ITCH: variants seen among roughly 807,000 people sequenced by gnomAD.
ITCH encodes itchy E3 ubiquitin protein ligase.
A neutral mutation model predicts 126.8 loss-of-function variants in ITCH; 28 were observed. The observed-to-expected ratio is 0.22, with a 90% confidence interval of 0.16 to 0.30. ITCH has a LOEUF of 0.30. Among genes scored for constraint, ITCH ranks in the 10% least tolerant of loss-of-function variants. The pLI is 1.00. For missense variants in ITCH, 631 were observed against 1,032.4 expected, an observed-to-expected ratio of 0.61 and a Z score of 5.33; for synonymous variants, 342 against 340.0, an observed-to-expected ratio of 1.01 and a Z score of -0.06.
At chr20:34,486,722 G>A (rs999179444) in intron 20 of ITCH, among the ~76,000 whole-genome samples, 1 of 151,444 alleles carries the variant, frequency 6.6e-6, no homozygotes, top group Non-Finnish European at 1.5e-5. Context: ...TTTTGAGACA[G>A]GGTCTCACTT....
chr20:34,426,528 C>T (rs530286758), intron 7 of ITCH, among the ~76,000 whole-genome samples: 2 of 152,066 alleles, frequency 1.3e-5, no homozygotes, highest in East Asian at 3.9e-4. Flanking sequence ...TCACTGCAAC[C>T]TCCATCTCCC....
intron 6 of ITCH, among the ~76,000 whole-genome samples, chr20:34,415,114 G>T (rs539295304): frequency 6.6e-6 from 1 of 152,190 alleles, no homozygotes; most frequent in Non-Finnish European, 1.5e-5. Context: ...CAATGAAAGA[G>T]CAGATTAATG....
chr20:34,453,803 G>A (rs1159048128), intron 12 of ITCH, among the ~76,000 whole-genome samples: 3 of 152,072 alleles, frequency 2.0e-5, no homozygotes, highest in East Asian at 3.9e-4. Flanking sequence ...TGATCAGCCT[G>A]GCCAACATGG....
intron 3 of ITCH, among the ~76,000 whole-genome samples, chr20:34,404,713 G>T (rs571123831): frequency 6.6e-6 from 1 of 151,974 alleles, no homozygotes; most frequent in African/African-American, 2.4e-5. Context: ...ACGTTCGGCC[G>T]CTTCTCTTTT....
intron 17 of ITCH, among the ~76,000 whole-genome samples, chr20:34,478,915 C>G (rs1988475859): frequency 6.6e-6 from 1 of 152,116 alleles, no homozygotes; most frequent in Non-Finnish European, 1.5e-5. Flanking sequence ...ATGAGATACA[C>G]TTATCACAAG....
At chr20:34,378,291 T>C (rs1395655621) in intron 2 of ITCH, among the ~76,000 whole-genome samples, 3 of 151,654 alleles carry the variant, frequency 2.0e-5, no homozygotes, top group Non-Finnish European at 2.9e-5. Flanking sequence ...GCCAACATGG[T>C]GAAACCCCAT....
intron 2 of ITCH, among the ~76,000 whole-genome samples, chr20:34,383,148 G>A (rs574381468): frequency 1.3e-5 from 2 of 151,956 alleles, no homozygotes; most frequent in Non-Finnish European, 2.9e-5. Flanking sequence ...CTCTGGCGAT[G>A]CTCCTGTGTC....
At chr20:34,449,233 G>C (rs1984862559) in intron 11 of ITCH, among the ~76,000 whole-genome samples, 178 bp from the exon 12 acceptor site, 1 of 151,694 alleles carries the variant, frequency 6.6e-6, no homozygotes, top group Non-Finnish European at 1.5e-5. Flanking sequence ...GTTTGCACCG[G>C]TTTTTTTTAA....
intron 3 of ITCH, among the ~76,000 whole-genome samples, chr20:34,398,705 T>C (rs2038764106): frequency 6.6e-6 from 1 of 152,108 alleles, no homozygotes; most frequent in Non-Finnish European, 1.5e-5. Context: ...GCCTTAAATA[T>C]TCTCTTTTTT....
At chr20:34,414,145 A>G (rs1438596008) in intron 6 of ITCH, among the ~76,000 whole-genome samples, 1 of 138,030 alleles carries the variant, frequency 7.2e-6, no homozygotes, top group African/African-American at 2.6e-5. Flanking sequence ...TTGTTTCTTT[A>G]AAAAAAAAAA....
At chr20:34,377,427 G>C (rs190302885) in intron 2 of ITCH, among the ~76,000 whole-genome samples, 13 of 151,824 alleles carry the variant, frequency 8.6e-5, no homozygotes, top group Non-Finnish European at 1.5e-4. Flanking sequence ...TCTTGTTTGG[G>C]GTTTTTGGTT....
chr20:34,381,566 A>G (rs1190853429), intron 2 of ITCH, among the ~76,000 whole-genome samples: 2 of 152,030 alleles, frequency 1.3e-5, no homozygotes, highest in Non-Finnish European at 2.9e-5. Context: ...AGCTGGGACT[A>G]CAGGCGCACG....
At chr20:34,445,660 C>A (rs1984366285) in intron 11 of ITCH, among the ~76,000 whole-genome samples, 199 bp downstream of exon 11, 1 of 151,980 alleles carries the variant, frequency 6.6e-6, no homozygotes, top group Non-Finnish European at 1.5e-5. Flanking sequence ...TTGCTTAAGT[C>A]CAACTTCCTC....
chr20:34,365,469 C>T (rs2037386253), intron 1 of ITCH, among the ~76,000 whole-genome samples: 1 of 152,182 alleles, frequency 6.6e-6, no homozygotes, highest in Non-Finnish European at 1.5e-5. Flanking sequence ...GGCTGGAGTA[C>T]AGTGGTGTGA....
In ITCH at chr20:34,413,786, C is replaced by T. The variant is rs1979401403; in HGVS notation, c.382C>T (p.Pro128Ser). 2 of 1,611,964 alleles carry T rather than the reference C, an allele frequency of 1.2e-6. No homozygotes were observed. The highest frequency in any genetic ancestry group is 2.7e-5 in the African/African-American group (2 of 74,790). Residue 128 changes from proline (P) to serine (S), a missense_variant, in exon 6 of 25, where the codon CCA becomes TCA. By Grantham distance (74) the Pro-to-Ser change is moderately conservative. Transcript: ENST00000374864. ...VTLQLGGDKEPTETIGDLSIC... is the reference protein window; with the variant it reads ...VTLQLGGDKESTETIGDLSIC... ...TTTGCAGCTTGGAGGTGACAAAGAG[C>T]CAACAGAGACAATAGGAGACTTGTC...
intron 14 of ITCH, among the ~76,000 whole-genome samples, chr20:34,462,547 A>G (rs1986641591): frequency 6.6e-6 from 1 of 152,150 alleles, no homozygotes; most frequent in South Asian, 2.1e-4. Flanking sequence ...AAAAGCTCTC[A>G]TTACTTATCC....
chr20:34,379,004 G>A (rs1016082174), intron 2 of ITCH, among the ~76,000 whole-genome samples: 3 of 152,078 alleles, frequency 2.0e-5, no homozygotes, highest in African/African-American at 4.8e-5. Context: ...GTTTTTTGGA[G>A]GAAAGCTATT....
intron 10 of ITCH, among the ~76,000 whole-genome samples, chr20:34,444,786 C>T (rs1186604005): frequency 6.6e-6 from 1 of 152,116 alleles, no homozygotes; most frequent in East Asian, 1.9e-4. Context: ...GACTACAGAT[C>T]TGCGCCACCA....
chr20:34,476,355 G>T, intron 16 of ITCH: 1 of 1,337,516 alleles, frequency 7.5e-7, no homozygotes, highest in East Asian at 2.6e-5. Flanking sequence ...CCGGTCCCCG[G>T]CTCCTCAGCA....
Sources: allele counts gnomAD v4.1 joint callset (sites outside exome capture counted in the v4.1 genomes callset), GRCh38; gene constraint gnomAD v4.1.1; transcripts MANE v1.5; gene names NCBI Gene and HGNC (gene_info 2026-07-23, HGNC 2026-07-21).